The following DCAF1 variants were observed in gnomAD, a reference collection of about 807,000 sequenced individuals.
The protein encoded by DCAF1 is DDB1 and CUL4 associated factor 1.
DCAF1 carries 15 observed loss-of-function variants against 128.0 expected under a neutral mutation model. The observed-to-expected ratio is 0.12, with a 90% CI of 0.08 to 0.18. The LOEUF (loss-of-function observed/expected upper bound fraction) is 0.18, where lower values mean the gene tolerates loss of function less well. DCAF1 is among the 10% of genes least tolerant of loss of function. DCAF1 has a pLI of 1.00. For missense variants in DCAF1, 988 were observed against 1,649.5 expected, an observed-to-expected ratio of 0.60 and a Z score of 6.95; for synonymous variants, 610 against 603.0, an observed-to-expected ratio of 1.01 and a Z score of -0.17.
intron 9 of DCAF1, among the ~76,000 whole-genome samples, chr3:51,440,632 G>A (rs899046112): frequency 2.0e-5 from 3 of 150,786 alleles, no homozygotes; most frequent in South Asian, 2.1e-4. Context: ...TTCACCAGGC[G>A]CAGTGGCTCA....
At position 51,398,008 on chromosome 3, in the gene DCAF1, C is replaced by T. The variant is rs1553623629; in HGVS notation, c.*761G>A. 2 of 162,580 alleles carry T rather than the reference C, an allele frequency of 1.2e-5. No homozygotes were observed. The highest frequency in any genetic ancestry group is 2.9e-5 in the Non-Finnish European group (2 of 68,040). The allele number at this position is 162,580 out of a possible 1,614,324, so 10.1% of individuals were successfully genotyped here. On this transcript the variant is annotated 3_prime_UTR_variant, in exon 25 of 25. Coordinates refer to ENST00000684031, the MANE Select transcript of DCAF1 (RefSeq NM_001387579.1). ...AAAAATAGAGGGAGTGAACTTATAT[C>T]CTAAGTTCCCTCAACTCCACAAAAC...
intron 13 of DCAF1, among the ~76,000 whole-genome samples, chr3:51,424,333 G>C (rs571806434): frequency 6.6e-6 from 1 of 151,864 alleles, no homozygotes; most frequent in South Asian, 2.1e-4. Context: ...CCAGGAGGCG[G>C]AGGTTGCCAT....
intron 4 of DCAF1, among the ~76,000 whole-genome samples, chr3:51,467,718 T>C (rs150702725): frequency 6.6e-6 from 1 of 152,180 alleles, no homozygotes; most frequent in Non-Finnish European, 1.5e-5. Flanking sequence ...CACTGCTCTC[T>C]AGCCTTCCCA....
intron 1 of DCAF1, among the ~76,000 whole-genome samples, chr3:51,498,383 A>G (rs1039507573): frequency 1.3e-5 from 2 of 151,310 alleles, no homozygotes; most frequent in Non-Finnish European, 2.9e-5. Flanking sequence ...AAAGAAAAAA[A>G]AAAAAAAAAG....
chr3:51,495,520 A>AAC (rs1329862626), intron 2 of DCAF1, among the ~76,000 whole-genome samples: 1 of 151,862 alleles, frequency 6.6e-6, no homozygotes, highest in Non-Finnish European at 1.5e-5. Context: ...ATAAACTTGT[A>AAC]ACAGACTAAA....
intron 23 of DCAF1, among the ~76,000 whole-genome samples, chr3:51,404,044 G>A (rs185873467): frequency 1.6e-4 from 24 of 152,320 alleles, no homozygotes; most frequent in Non-Finnish European, 2.8e-4. Flanking sequence ...AACTTGCAAA[G>A]GCAAGAAAAT....
intron 3 of DCAF1, 64 bp downstream of exon 3, chr3:51,483,655 A>C: frequency 9.7e-7 from 1 of 1,033,520 alleles, no homozygotes. Context: ...GTATGAAGAA[A>C]TCTAGCGTAT....
chr3:51,444,685 T>G (rs1701675011), intron 6 of DCAF1, among the ~76,000 whole-genome samples: 1 of 144,736 alleles, frequency 6.9e-6, no homozygotes, highest in African/African-American at 2.6e-5. Flanking sequence ...ATTGATTGAT[T>G]GATTAATTGA....
Position 51,471,023 on chromosome 3 carries a change from A to G in DCAF1, c.111-18T>C, listed in dbSNP as rs782572208. Reference sequence around the variant, plus strand: ...GAGACATCCTAGCACAAAGGAAACAAGGGGTCAACTCTGGACAAGCATAAA... The same window carrying G: ...GAGACATCCTAGCACAAAGGAAACAGGGGGTCAACTCTGGACAAGCATAAA... On this transcript the variant is annotated intron_variant, in intron 3 of 24. Transcript: ENST00000684031. 1.3e-6 allele frequency: 2 copies of G among 1,572,108 alleles called. No individual in the cohort carries two copies. The highest frequency in any genetic ancestry group is 4.5e-5 in the East Asian group (2 of 44,432).
chr3:51,472,380 T>C (rs552060417), intron 3 of DCAF1, among the ~76,000 whole-genome samples: 2 of 150,170 alleles, frequency 1.3e-5, no homozygotes, highest in African/African-American at 4.8e-5. Context: ...CCAGAATTTG[T>C]TTTTTTTCTT....
At chr3:51,492,085 G>A (rs1411743960) in intron 2 of DCAF1, among the ~76,000 whole-genome samples, 2 of 151,638 alleles carry the variant, frequency 1.3e-5, no homozygotes, top group Non-Finnish European at 2.9e-5. Context: ...TGAACCTGCG[G>A]GAGGCGGAAG....
At chr3:51,501,570 C>A (rs966947626), upstream of DCAF1, among the ~76,000 whole-genome samples, 1 of 152,158 alleles carries the variant, frequency 6.6e-6, no homozygotes, top group Non-Finnish European at 1.5e-5. Context: ...TGCTCAGGCT[C>A]GACAGCTAGT....
At chr3:51,439,162 T>C (rs1701125689) in intron 9 of DCAF1, among the ~76,000 whole-genome samples, 1 of 151,810 alleles carries the variant, frequency 6.6e-6, no homozygotes, top group Non-Finnish European at 1.5e-5. Context: ...AGAGACAGAG[T>C]CTCACCCTGT....
chr3:51,485,569 T>C (rs1706836417), intron 2 of DCAF1, among the ~76,000 whole-genome samples: 1 of 152,238 alleles, frequency 6.6e-6, no homozygotes, highest in Non-Finnish European at 1.5e-5. Flanking sequence ...AATGTCATAT[T>C]CTGCCACGCA....
chr3:51,464,043 C>T lies in DCAF1; in HGVS notation c.262-816G>A, dbSNP rs1256091959. ...CTAATTTTTTCATTTTTAGTAGAGA[C>T]GGGGCCTCATTATGTTGCCCGAGCT... On this transcript the variant is annotated intron_variant, in intron 5 of 24. Transcript: ENST00000684031. Among the ~76,000 whole-genome samples the T allele has an allele frequency of 1.1e-4, 17 of 151,970 alleles. No homozygotes were observed. In the South Asian group the frequency reaches 1.2e-3, roughly 11 times the overall value.
chr3:51,438,915 T>C (rs538532725), intron 9 of DCAF1, among the ~76,000 whole-genome samples: 1 of 152,140 alleles, frequency 6.6e-6, no homozygotes, highest in Non-Finnish European at 1.5e-5. Context: ...TGCGCCGAAG[T>C]GTTATATACA....
upstream of DCAF1, among the ~76,000 whole-genome samples, chr3:51,501,115 C>G (rs1708786203): frequency 6.6e-6 from 1 of 152,200 alleles, no homozygotes; most frequent in South Asian, 2.1e-4. Flanking sequence ...CTGCACCCAG[C>G]CTCTGTCTTT....
chr3:51,422,160 C>T (rs1553632673), intron 14 of DCAF1, 147 bp downstream of exon 14: 1 of 572,330 alleles, frequency 1.7e-6, no homozygotes, highest in African/African-American at 1.9e-5. Context: ...CTGAATGGTA[C>T]TCCTTATAAA....
intron 18 of DCAF1, among the ~76,000 whole-genome samples, chr3:51,415,324 T>C (rs1345215775): frequency 6.6e-6 from 1 of 151,530 alleles, no homozygotes. Context: ...GGAAATGCCG[T>C]CTCTACAAAA....
Sources: allele counts gnomAD v4.1 joint callset (sites outside exome capture counted in the v4.1 genomes callset), GRCh38; gene constraint gnomAD v4.1.1; transcripts MANE v1.5; gene names NCBI Gene and HGNC (gene_info 2026-07-23, HGNC 2026-07-21).